Variants in RPS6KC1 observed in about 807,000 individuals in gnomAD.
RPS6KC1 encodes the protein ribosomal protein S6 kinase C1, also known as inactive ribosomal protein S6 kinase delta-1.
In RPS6KC1, 54 loss-of-function variants were observed where a neutral mutation model predicts 103.8. The observed-to-expected ratio is 0.52, with a 90% CI of 0.42 to 0.65. The LOEUF is 0.65. Among genes scored for constraint, RPS6KC1 ranks in the 30% least tolerant of loss-of-function variants. The probability of loss-of-function intolerance (pLI) is 0.00; values close to 1 mark genes in which losing one functional copy is unlikely to be tolerated. For synonymous variants in RPS6KC1, 439 were observed against 438.7 expected, an observed-to-expected ratio of 1.00 and a Z score of -0.01; for missense variants, 1,151 against 1,253.8, an observed-to-expected ratio of 0.92 and a Z score of 1.24.
chr1:213,396,169 C>T, the RPS6KC1 span, among the ~76,000 whole-genome samples: 4 of 152,188 alleles, frequency 2.6e-5, no homozygotes, highest in Admixed American at 6.5e-5. Flanking sequence ...ATGTTGGTTG[C>T]ATCACTGATA....
the RPS6KC1 span, among the ~76,000 whole-genome samples, chr1:213,667,520 G>A: frequency 1.3e-5 from 2 of 152,288 alleles, no homozygotes; most frequent in African/African-American, 2.4e-5. Flanking sequence ...CCTTCAGCAG[G>A]TGGTAATCTT....
chr1:213,378,888 T>A, the RPS6KC1 span, among the ~76,000 whole-genome samples: 1 of 151,844 alleles, frequency 6.6e-6, no homozygotes, highest in Non-Finnish European at 1.5e-5. Context: ...GCTTGGTGAG[T>A]GATTTATGCT....
At chr1:213,591,602 A>G in the RPS6KC1 span, among the ~76,000 whole-genome samples, 2 of 152,198 alleles carry the variant, frequency 1.3e-5, no homozygotes, top group African/African-American at 4.8e-5. Context: ...TGCCAGCCTG[A>G]TGATGGTAGA....
chr1:213,792,773 C>T, the RPS6KC1 span, among the ~76,000 whole-genome samples: 1 of 152,118 alleles, frequency 6.6e-6, no homozygotes, highest in African/African-American at 2.4e-5. Context: ...AAAAGAACAA[C>T]ATTTTCACAG....
At chr1:213,360,417 TA>T in the RPS6KC1 span, among the ~76,000 whole-genome samples, 1 of 152,230 alleles carries the variant, frequency 6.6e-6, no homozygotes, top group Non-Finnish European at 1.5e-5. Flanking sequence ...TCAGGTCCTT[TA>T]AAGACTTCTC....
At chr1:213,130,739 G>C (rs2085509026) in intron 6 of RPS6KC1, among the ~76,000 whole-genome samples, 1 of 152,050 alleles carries the variant, frequency 6.6e-6, no homozygotes, top group Admixed American at 6.6e-5. Context: ...TGGTGTACCT[G>C]TCTGTATATG....
the RPS6KC1 span, among the ~76,000 whole-genome samples, chr1:213,734,379 G>A: frequency 2.0e-5 from 3 of 152,202 alleles, no homozygotes; most frequent in Non-Finnish European, 4.4e-5. Flanking sequence ...TGGTAATGGG[G>A]TATATAGAAT....
At chr1:213,086,696 G>A (rs1044500728) in intron 3 of RPS6KC1, among the ~76,000 whole-genome samples, 2 of 152,146 alleles carry the variant, frequency 1.3e-5, no homozygotes, top group African/African-American at 4.8e-5. Flanking sequence ...CAGTAGGTAT[G>A]CTTCTTGCAA....
chr1:213,637,721 G>C, the RPS6KC1 span, among the ~76,000 whole-genome samples: 1 of 152,090 alleles, frequency 6.6e-6, no homozygotes, highest in Admixed American at 6.6e-5. Context: ...CAGTTGCTCT[G>C]TATCCTCACC....
At chr1:213,471,771 A>T in the RPS6KC1 span, among the ~76,000 whole-genome samples, 3 of 148,664 alleles carry the variant, frequency 2.0e-5, no homozygotes, top group Non-Finnish European at 4.5e-5. Context: ...TGGATTATGG[A>T]TACCATTCTT....
downstream of RPS6KC1, among the ~76,000 whole-genome samples, chr1:213,278,218 A>G (rs559034952): frequency 1.8e-3 from 271 of 151,966 alleles, no homozygotes; most frequent in Middle Eastern, 3.4e-3. Context: ...AAAAAAAAAA[A>G]TCTTCCTAAA....
At chr1:213,237,961 A>T (rs1204065320) in intron 10 of RPS6KC1, among the ~76,000 whole-genome samples, 1 of 152,084 alleles carries the variant, frequency 6.6e-6, no homozygotes, top group Non-Finnish European at 1.5e-5. Flanking sequence ...ATCCTTATAG[A>T]TTCTTACTTA....
At chr1:213,150,078 G>A (rs2088478367) in intron 6 of RPS6KC1, among the ~76,000 whole-genome samples, 1 of 152,126 alleles carries the variant, frequency 6.6e-6, no homozygotes, top group East Asian at 1.9e-4. Flanking sequence ...AGACTAATGG[G>A]TCTTGTTTTT....
At position 213,069,610 on chromosome 1, in the gene RPS6KC1, A is replaced by G. The variant is rs12064585; in HGVS notation, c.106-1396A>G. On this transcript the variant is annotated intron_variant, in intron 1 of 14. Coordinates refer to ENST00000366960, the MANE Select transcript of RPS6KC1 (RefSeq NM_012424.6). ...CCCTAGTTCATGGTGTATTGTCATT[A>G]GATATCAAAGACCCTTTTCTTCCTC... Among the ~76,000 whole-genome samples, 1,066 of 152,302 alleles carry G rather than the reference A, an allele frequency of 7.0e-3. 14 individuals carry two copies. Among genetic ancestry groups the G allele is most frequent in the African/African-American group, 0.024 (1,010 of 41,554 alleles).
chr1:213,551,530 A>G, the RPS6KC1 span, among the ~76,000 whole-genome samples: 1 of 152,210 alleles, frequency 6.6e-6, no homozygotes. Flanking sequence ...TAAGTACAGT[A>G]CATGTATGTA....
At chr1:213,137,826 T>C (rs1288996767) in intron 6 of RPS6KC1, among the ~76,000 whole-genome samples, 3 of 116,200 alleles carry the variant, frequency 2.6e-5, no homozygotes, top group African/African-American at 7.6e-5. Flanking sequence ...TTTTTTTTTT[T>C]CCTTCCCCCC....
At chr1:213,599,195 A>G in the RPS6KC1 span, among the ~76,000 whole-genome samples, 1 of 152,196 alleles carries the variant, frequency 6.6e-6, no homozygotes, top group African/African-American at 2.4e-5. Context: ...TGCTGGTTGC[A>G]TTTGTTATAA....
the RPS6KC1 span, among the ~76,000 whole-genome samples, chr1:213,636,844 GA>G: frequency 3.0e-4 from 46 of 151,904 alleles, no homozygotes; most frequent in African/African-American, 1.1e-3. Context: ...CAGAATGGGA[GA>G]AAAATTTTTG....
At chr1:213,128,729 G>C (rs759033303) in intron 5 of RPS6KC1, among the ~76,000 whole-genome samples, 7 of 152,120 alleles carry the variant, frequency 4.6e-5, no homozygotes, top group Non-Finnish European at 8.8e-5. Flanking sequence ...TCCAGTTACG[G>C]ATGGTTACCT....
Sources: gnomAD v4.1 joint callset for allele counts (sites outside exome capture counted in the v4.1 genomes callset) on GRCh38, gnomAD v4.1.1 for gene constraint, MANE v1.5 for transcripts, NCBI Gene and HGNC (gene_info 2026-07-23, HGNC 2026-07-21) for gene names.